MTMR7: variants seen among roughly 807,000 people sequenced by gnomAD.
MTMR7 encodes the protein phosphatidylinositol-3-phosphate phosphatase MTMR7.
Under a neutral mutation model 81.2 loss-of-function variants are expected in MTMR7, and 76 were observed. That is an observed-to-expected ratio of 0.94 (90% CI 0.78 to 1.13). The LOEUF is 1.13. MTMR7 is among the 50% of genes most tolerant of loss of function. MTMR7 has a pLI of 0.00. For synonymous variants in MTMR7, 372 were observed against 289.8 expected, an observed-to-expected ratio of 1.28 and a Z score of -2.88; for missense variants, 1,044 against 820.0, an observed-to-expected ratio of 1.27 and a Z score of -3.34.
intron 9 of MTMR7, among the ~76,000 whole-genome samples, chr8:17,310,527 G>T (rs1817728121): frequency 6.6e-6 from 1 of 152,118 alleles, no homozygotes; most frequent in South Asian, 2.1e-4. Context: ...GGCAGTGTGT[G>T]ACTGGCAACC....
intron 3 of MTMR7, among the ~76,000 whole-genome samples, chr8:17,361,536 C>T (rs1331221010): frequency 6.6e-6 from 1 of 152,124 alleles, no homozygotes; most frequent in African/African-American, 2.4e-5. Context: ...CCATTTTGTG[C>T]TTTTTTTGTT....
At chr8:17,370,919 G>A (rs544885780) in intron 3 of MTMR7, 118 bp downstream of exon 3, 20 of 1,056,240 alleles carry the variant, frequency 1.9e-5, no homozygotes, top group Admixed American at 5.3e-5. Context: ...TCCTGAGAAC[G>A]AGACTGACAC....
rs763001175 is a variant in MTMR7, at chr8:17,373,252, G to C, written c.25-12C>G. 6.2e-7 allele frequency: 1 copy of C among 1,606,752 alleles called. No individual in the cohort carries two copies. Among genetic ancestry groups the C allele is most frequent in the African/African-American group, 1.3e-5 (1 of 74,798 alleles). ...CGGACATTTTCAACCTAGAGAAATC[G>C]GCATGATGAAAAGAGTTACCGTAAA... On this transcript the variant is annotated splice_polypyrimidine_tract_variant and intron_variant, in intron 1 of 13. Coordinates refer to ENST00000180173, the MANE Select transcript of MTMR7 (RefSeq NM_004686.5).
intron 13 of MTMR7, among the ~76,000 whole-genome samples, chr8:17,300,983 A>G (rs964270301): frequency 6.6e-5 from 10 of 152,180 alleles, no homozygotes; most frequent in Admixed American, 6.5e-4. Context: ...ACAGTATTCC[A>G]TTACATGGAT....
chr8:17,412,626 A>G (rs1243233981), intron 1 of MTMR7, among the ~76,000 whole-genome samples: 1 of 152,216 alleles, frequency 6.6e-6, no homozygotes, highest in East Asian at 1.9e-4. Flanking sequence ...TTAAAACACA[A>G]CAGTGCGTGA....
intron 7 of MTMR7, among the ~76,000 whole-genome samples, chr8:17,330,109 A>G (rs1242440214): frequency 6.6e-6 from 1 of 152,238 alleles, no homozygotes; most frequent in Non-Finnish European, 1.5e-5. Flanking sequence ...CAGAAAGTCC[A>G]GGAAACAGAA....
chr8:17,371,185 C>A lies in MTMR7; in HGVS notation c.162G>T (p.Gln54His), dbSNP rs375566255. 1 of 1,613,962 alleles carries A rather than the reference C, an allele frequency of 6.2e-7. No homozygotes were observed. Among genetic ancestry groups the A allele is most frequent in the African/African-American group, 1.3e-5 (1 of 74,922 alleles). The change falls in exon 3 of 14, where the codon CAG becomes CAT. Residue 54 changes from glutamine to histidine, a missense_variant. Gln to His is a conservative substitution (Grantham distance 24). Transcript: ENST00000180173. ...PRKETWILHS[Q>H]ISTIEKQATT... is the part of the protein sequence containing the mutation. ...TTGCCTGTTTCTCAATGGTGGAAATCTGACTGTGAAGAATCTAGAACCAAA... is the reference window on the plus strand; with the variant it reads ...TTGCCTGTTTCTCAATGGTGGAAATATGACTGTGAAGAATCTAGAACCAAA...
At chr8:17,411,452 C>T (rs9802064) in intron 1 of MTMR7, among the ~76,000 whole-genome samples, 78,080 of 152,044 alleles carry the variant, frequency 0.51, 23,071 homozygotes, top group East Asian at 0.8. Context: ...AGTTCCTGGA[C>T]GCTTCCAGCA....
chr8:17,401,290 T>A (rs953390159), intron 1 of MTMR7, among the ~76,000 whole-genome samples: 1 of 152,132 alleles, frequency 6.6e-6, no homozygotes, highest in Non-Finnish European at 1.5e-5. Context: ...GAGCAAACCA[T>A]CTGCACATCT....
chr8:17,318,193 G>A (rs1198839031), intron 7 of MTMR7, among the ~76,000 whole-genome samples: 2 of 152,096 alleles, frequency 1.3e-5, no homozygotes, highest in Non-Finnish European at 2.9e-5. Flanking sequence ...ACATGTTTGG[G>A]ATCCGAACAC....
At chr8:17,349,171 G>C in intron 4 of MTMR7, 90 bp from the exon 5 acceptor site, 1 of 1,478,508 alleles carries the variant, frequency 6.8e-7, no homozygotes, top group Non-Finnish European at 9.3e-7. Context: ...ACGCTTACAG[G>C]TACATCCTTA....
At chr8:17,387,468 GGAAAGGATAAAT>G (rs1197842203) in intron 1 of MTMR7, among the ~76,000 whole-genome samples, 1 of 152,194 alleles carries the variant, frequency 6.6e-6, no homozygotes, top group African/African-American at 2.4e-5. Flanking sequence ...AAAGTAAGGG[GGAAAGGATAAAT>G]GAATATATCT....
At chr8:17,349,590 C>T (rs930881477) in intron 4 of MTMR7, 2 of 153,698 alleles carry the variant, frequency 1.3e-5, no homozygotes, top group Admixed American at 1.3e-4. Context: ...ACACTCCTGC[C>T]CTCCACCTTC....
At chr8:17,349,985 G>C (rs905832665) in intron 4 of MTMR7, among the ~76,000 whole-genome samples, 3 of 152,160 alleles carry the variant, frequency 2.0e-5, no homozygotes, top group African/African-American at 7.2e-5. Context: ...TTGACAGATG[G>C]ATCAAATCCG....
intron 6 of MTMR7, among the ~76,000 whole-genome samples, chr8:17,340,918 T>C (rs1819389885): frequency 6.6e-6 from 1 of 152,360 alleles, no homozygotes; most frequent in South Asian, 2.1e-4. Flanking sequence ...TTTATAGTTC[T>C]TTCCAAGTCA....
At chr8:17,303,606 C>A (rs887464153) in intron 12 of MTMR7, among the ~76,000 whole-genome samples, 2 of 111,038 alleles carry the variant, frequency 1.8e-5, no homozygotes, top group East Asian at 5.9e-4. Flanking sequence ...CCCATACATA[C>A]AATCTTTTTT....
chr8:17,297,278 C>A lies in MTMR7; in HGVS notation c.*2584G>T, dbSNP rs1216269648. ...AAATAGAAGAAAATTCTAAATCAAT[C>A]AATCAGTGAGATATAAACTAAACAG... On this transcript the variant is annotated 3_prime_UTR_variant, in exon 14 of 14. Coordinates refer to ENST00000180173, the MANE Select transcript of MTMR7 (RefSeq NM_004686.5). 6.6e-6 allele frequency: 1 copy of A among 151,990 alleles called. No individual in the cohort carries two copies. The highest frequency in any genetic ancestry group is 1.5e-5 in the Non-Finnish European group (1 of 67,948). The allele number at this position is 151,990 out of a possible 1,614,324, so 9.4% of individuals were successfully genotyped here.
intron 1 of MTMR7, among the ~76,000 whole-genome samples, chr8:17,410,525 G>C (rs966066962): frequency 6.6e-6 from 1 of 150,884 alleles, no homozygotes; most frequent in Admixed American, 6.6e-5. Flanking sequence ...ACTGGGATGA[G>C]TACAGGTAAT....
At chr8:17,408,956 T>C (rs1482193570) in intron 1 of MTMR7, among the ~76,000 whole-genome samples, 3 of 152,274 alleles carry the variant, frequency 2.0e-5, no homozygotes, top group Middle Eastern at 3.4e-3. Flanking sequence ...TTAATAAAAA[T>C]GGTGAATTTT....
Sources: gnomAD v4.1 joint callset for allele counts (sites outside exome capture counted in the v4.1 genomes callset) on GRCh38, gnomAD v4.1.1 for gene constraint, MANE v1.5 for transcripts, NCBI Gene and HGNC (gene_info 2026-07-23, HGNC 2026-07-21) for gene names.